ATXN1: variants seen among roughly 807,000 people sequenced by gnomAD.
ATXN1 encodes the protein ataxin-1.
Under a neutral mutation model 56.4 loss-of-function variants are expected in ATXN1, and 8 were observed. The ratio of observed to expected loss-of-function variants is 0.14; its 90% CI spans 0.08 to 0.26. The LOEUF is 0.26. ATXN1 is among the 10% of genes least tolerant of loss of function. The pLI is 1.00. For synonymous variants in ATXN1, 514 were observed against 494.6 expected (o/e 1.04, Z -0.52); for missense variants, 987 against 1,106.5 (o/e 0.89, Z 1.53).
At chr6:16,679,476 G>A (rs1439657252) in intron 2 of ATXN1, among the ~76,000 whole-genome samples, 1 of 152,188 alleles carries the variant, frequency 6.6e-6, no homozygotes, top group Non-Finnish European at 1.5e-5. Flanking sequence ...GCAAAGAGAA[G>A]GGAAATATAG....
At position 16,306,343 on chromosome 6, in the gene ATXN1, T is replaced by G. The variant is rs764991180; in HGVS notation, c.2434A>C (p.Asn812His). The change falls in exon 8 of 8, where the codon AAT becomes CAT. Residue 812 changes from asparagine (N) to histidine (H), a missense_variant. Asn to His is a moderately conservative substitution (Grantham distance 68). Transcript: ENST00000436367. The surrounding 1 kb of genome is among the most constrained non-coding windows in gnomAD (Gnocchi z 5.2). ...EVKICIEGRS[N>H]VGK ...CCACGCTGCCTCTACTTGCCTACAT[T>G]AGACCGGCCTTCAATGCAAATCTTA... 1 of 1,608,722 alleles carries G rather than the reference T, an allele frequency of 6.2e-7. No individual in the cohort carries two copies. Among genetic ancestry groups the G allele is most frequent in the Non-Finnish European group, 8.5e-7 (1 of 1,177,732 alleles).
chr6:16,658,276 A>G (rs996558349), intron 2 of ATXN1, among the ~76,000 whole-genome samples: 3 of 152,248 alleles, frequency 2.0e-5, no homozygotes, highest in Non-Finnish European at 4.4e-5. Flanking sequence ...GTGCAGTATC[A>G]AGGGCAGAAA....
At chr6:16,432,068 T>C (rs1341331602) in intron 6 of ATXN1, among the ~76,000 whole-genome samples, 1 of 152,180 alleles carries the variant, frequency 6.6e-6, no homozygotes, top group African/African-American at 2.4e-5. Flanking sequence ...ATGGTACTAA[T>C]ATAAAAACTT....
At chr6:16,745,331 C>T (rs2038102866) in intron 2 of ATXN1, among the ~76,000 whole-genome samples, 1 of 152,196 alleles carries the variant, frequency 6.6e-6, no homozygotes, top group Middle Eastern at 3.4e-3. Context: ...CAATTAGAAA[C>T]AACTCGAATG....
chr6:16,345,516 C>T (rs1199984602), intron 6 of ATXN1, among the ~76,000 whole-genome samples: 1 of 152,150 alleles, frequency 6.6e-6, no homozygotes, highest in Admixed American at 6.6e-5. Flanking sequence ...ACACATCGGC[C>T]AAGATAAGAA....
rs187746536 is a variant in ATXN1, at chr6:16,405,350, A to T, written c.-160-76880T>A. Among the ~76,000 whole-genome samples, 3 of 152,308 alleles carry T rather than the reference A, an allele frequency of 2.0e-5. No individual in the cohort carries two copies. The East Asian group carries it at 5.8e-4, about 29-fold the overall frequency. Reference sequence around the variant, plus strand: ...TAGTGAGAGTTAGGAACTATTCTGGATTCTGTATTTTATCCTAAAGACCTT... The same window carrying T: ...TAGTGAGAGTTAGGAACTATTCTGGTTTCTGTATTTTATCCTAAAGACCTT... On this transcript the variant is annotated intron_variant, in intron 6 of 7. Transcript: ENST00000436367.
chr6:16,537,014 C>G (rs1385632038), intron 4 of ATXN1, among the ~76,000 whole-genome samples: 1 of 150,672 alleles, frequency 6.6e-6, no homozygotes, highest in Non-Finnish European at 1.5e-5. Flanking sequence ...ACCTTCAACT[C>G]TTACTTGGCC....
In ATXN1 at chr6:16,619,328, A is replaced by G. The variant is rs139505322; in HGVS notation, c.-488-33421T>C. Among the ~76,000 whole-genome samples the G allele has an allele frequency of 2.6e-5, 4 of 152,356 alleles. No individual in the cohort carries two copies. In the East Asian group the frequency reaches 5.8e-4, roughly 22 times the overall value. The stretch of plus-strand genomic sequence containing the variant: ...AACCAGAGATGTTGAAAAAAGATAT[A>G]TATGTTCAAGAAGTCCAGCACAGCA... On this transcript the variant is annotated intron_variant, in intron 3 of 7. Transcript: ENST00000436367.
At chr6:16,353,960 T>C (rs1388079591) in intron 6 of ATXN1, among the ~76,000 whole-genome samples, 1 of 152,196 alleles carries the variant, frequency 6.6e-6, no homozygotes, top group African/African-American at 2.4e-5. Context: ...TTTTGGTGAT[T>C]CTGATTGGCA....
chr6:16,484,057 T>TA (rs1484506385), intron 6 of ATXN1, among the ~76,000 whole-genome samples: 6 of 152,308 alleles, frequency 3.9e-5, no homozygotes, highest in African/African-American at 1.4e-4. Context: ...AAGGTTTTTT[T>TA]TAAAAAAATA....
At chr6:16,563,586 G>A (rs994096888) in intron 4 of ATXN1, among the ~76,000 whole-genome samples, 1 of 152,122 alleles carries the variant, frequency 6.6e-6, no homozygotes, top group Non-Finnish European at 1.5e-5. Flanking sequence ...GGGTCAGGAG[G>A]CTATGCCCAG....
chr6:16,299,827 G>A lies in ATXN1; in HGVS notation c.*6502C>T, dbSNP rs1760038282. 1.3e-5 allele frequency: 2 copies of A among 152,582 alleles called. No individual in the cohort carries two copies. The highest frequency in any genetic ancestry group is 4.1e-4 in the South Asian group (2 of 4,834). 9.5% of individuals were successfully genotyped at this position (152,582 alleles called of 1,614,324 possible). A position where few individuals can be genotyped will look rare whatever the true frequency, so the allele number is the denominator to read the frequency against. On this transcript the variant is annotated 3_prime_UTR_variant, in exon 8 of 8. Coordinates refer to ENST00000436367, the MANE Select transcript of ATXN1 (RefSeq NM_001128164.2). ...TGAGCAGTTCAGGCTGGGGAGATGA[G>A]GAAACCCCGCCAAAAAGGGCAGTAT...
intron 6 of ATXN1, among the ~76,000 whole-genome samples, chr6:16,338,385 A>T (rs1761172197): frequency 6.6e-6 from 1 of 152,152 alleles, no homozygotes; most frequent in Non-Finnish European, 1.5e-5. Flanking sequence ...CCCAGCTACG[A>T]GGGAGGCTAA....
intron 6 of ATXN1, among the ~76,000 whole-genome samples, chr6:16,415,738 A>G (rs1289469418): frequency 1.3e-5 from 2 of 152,252 alleles, no homozygotes; most frequent in African/African-American, 4.8e-5. Context: ...TCTGGCGAAG[A>G]CAAAGTAAAC....
chr6:16,495,185 T>G (rs1760755320), intron 5 of ATXN1, among the ~76,000 whole-genome samples: 1 of 152,236 alleles, frequency 6.6e-6, no homozygotes, highest in Non-Finnish European at 1.5e-5. Context: ...TGACTTTAAG[T>G]CTGTTTCAGT....
intron 2 of ATXN1, among the ~76,000 whole-genome samples, chr6:16,724,344 G>C (rs1263495705): frequency 6.6e-6 from 1 of 151,976 alleles, no homozygotes; most frequent in Non-Finnish European, 1.5e-5. Flanking sequence ...AGTGCCTAGG[G>C]CTTTCAGTTC....
At chr6:16,732,582 A>C (rs9383203) in intron 2 of ATXN1, among the ~76,000 whole-genome samples, 27,616 of 151,928 alleles carry the variant, frequency 0.18, 3,063 homozygotes, top group East Asian at 0.57. Context: ...CACACACACA[A>C]AAAAAAATCA....
chr6:16,477,871 A>C (rs2113646705), intron 6 of ATXN1, among the ~76,000 whole-genome samples: 1 of 152,262 alleles, frequency 6.6e-6, no homozygotes. Context: ...CACTCCCATG[A>C]TACACTTAGT....
At chr6:16,726,351 A>G (rs1759848869) in intron 2 of ATXN1, among the ~76,000 whole-genome samples, 1 of 144,164 alleles carries the variant, frequency 6.9e-6, no homozygotes, top group Non-Finnish European at 1.5e-5. Context: ...ACTGCACTCC[A>G]GTCTGGGTGG....
Sources: allele counts gnomAD v4.1 joint callset (sites outside exome capture counted in the v4.1 genomes callset), GRCh38; gene constraint gnomAD v4.1.1; non-coding constraint Gnocchi (gnomAD v3.1); transcripts MANE v1.5; gene names NCBI Gene and HGNC (gene_info 2026-07-23, HGNC 2026-07-21).